Variants in AFF4 observed in about 807,000 individuals in gnomAD.
AFF4 encodes AF4/FMR2 family member 4.
In AFF4, 13 loss-of-function variants were observed where a neutral mutation model predicts 124.8. That is an observed-to-expected ratio of 0.10 (90% confidence interval 0.07 to 0.17). The LOEUF (loss-of-function observed/expected upper bound fraction) is 0.17. Among genes scored for constraint, AFF4 ranks in the 10% least tolerant of loss-of-function variants. The pLI, the probability that AFF4 is intolerant of heterozygous loss-of-function variation, is 1.00. For missense variants in AFF4, 1,092 were observed against 1,403.8 expected (o/e 0.78, Z 3.55); for synonymous variants, 477 against 496.1 (o/e 0.96, Z 0.51).
intron 5 of AFF4, among the ~76,000 whole-genome samples, chr5:132,906,868 G>A (rs1581289650): frequency 1.3e-5 from 2 of 152,166 alleles, no homozygotes; most frequent in African/African-American, 4.8e-5. Context: ...GGGAGGCTAA[G>A]CAATGAGGAT....
Position 132,883,383 on chromosome 5 carries a change from G to A in AFF4, c.3321C>T (p.Thr1107=), listed in dbSNP as rs745754457. ...GCTGTTCAGCTTGGTCCCAAATTTC[G>A]GTGGCATAGAGGAAGTTGGATGTGA... The part of the protein sequence containing the change: ...VQVTSNFLYA[T]EIWDQAEQLS... The change falls in exon 20 of 21, where the codon ACC becomes ACT. Residue 1107 remains threonine, a synonymous_variant. Transcript: ENST00000265343. 56 of 1,613,912 alleles carry A rather than the reference G, an allele frequency of 3.5e-5. No homozygotes were observed. The East Asian group carries it at 6.7e-4, about 19-fold the overall frequency.
Position 132,896,554 on chromosome 5 carries a change from C to T in AFF4, c.2076G>A (p.Met692Ile), listed in dbSNP as rs753189803. ...GTTCCTTCTCTTCCATAGGAGAGAA[C>T]ATTCGTTGCCGAAAAAAGCTATCTT... ...EEEDSFFRQR[M>I]FSPMEEKELL... Residue 692 changes from methionine (M) to isoleucine (I), a missense_variant, in exon 11 of 21, where the codon ATG (methionine) becomes ATA (isoleucine). Physicochemically the swap from Met to Ile is conservative, Grantham distance 10. This residue lies in a region of AFF4 where 293 missense variants were observed against 280.2 expected (regional missense o/e 1.05). Coordinates refer to ENST00000265343, the MANE Select transcript of AFF4 (RefSeq NM_014423.4). 9 of 1,614,106 alleles carry T rather than the reference C, an allele frequency of 5.6e-6. No individual in the cohort carries two copies. Among genetic ancestry groups the T allele is most frequent in the Admixed American group, 1.7e-5 (1 of 60,022 alleles).
intron 6 of AFF4, chr5:132,903,784 G>C (rs556391156): frequency 5.9e-5 from 9 of 152,316 alleles, no homozygotes; most frequent in African/African-American, 1.9e-4. Flanking sequence ...CATGAAGTAA[G>C]TTAAAAGAAA....
intron 5 of AFF4, among the ~76,000 whole-genome samples, chr5:132,907,186 A>T (rs1342556067): frequency 6.6e-6 from 1 of 152,056 alleles, no homozygotes; most frequent in African/African-American, 2.4e-5. Context: ...GTTTACCTAC[A>T]ATGGCCTTCT....
chr5:132,888,637 T>G (rs1007735763), intron 14 of AFF4, among the ~76,000 whole-genome samples: 2 of 152,160 alleles, frequency 1.3e-5, no homozygotes, highest in Non-Finnish European at 2.9e-5. Context: ...TGGGTACTTT[T>G]CAAATTGAAA....
At chr5:132,898,184 GA>G in intron 10 of AFF4, 45 bp downstream of exon 10, 1 of 1,603,676 alleles carries the variant, frequency 6.2e-7, no homozygotes, top group Non-Finnish European at 8.5e-7. Context: ...CATCACCAAG[GA>G]CCCTGAGAGG....
chr5:132,898,175 A>C (rs564845024), intron 10 of AFF4, 55 bp downstream of exon 10: 1 of 1,586,134 alleles, frequency 6.3e-7, no homozygotes, highest in African/African-American at 1.4e-5. Context: ...TTAAATGGAC[A>C]TCACCAAGGA....
intron 10 of AFF4, 71 bp from the exon 11 acceptor site, chr5:132,897,311 C>G: frequency 6.6e-7 from 1 of 1,508,850 alleles, no homozygotes; most frequent in East Asian, 2.3e-5. Context: ...CCTTTACAAC[C>G]TCAAAGAAGA....
chr5:132,940,535 A>G (rs1761544123), intron 1 of AFF4, among the ~76,000 whole-genome samples: 1 of 152,182 alleles, frequency 6.6e-6, no homozygotes, highest in African/African-American at 2.4e-5. Flanking sequence ...AAAATAAAGT[A>G]TGATTTTATT....
chr5:132,899,467 T>A lies in AFF4; in HGVS notation c.1188+120A>T. On this transcript the variant is annotated intron_variant, in intron 8 of 20. Transcript: ENST00000265343. The stretch of plus-strand genomic sequence containing the variant: ...AGAGAAGAAAACTACAACATTTCAG[T>A]GTCAGAAAGCTTATAAGAAACTTAT... The A allele has an allele frequency of 6.6e-6, 6 of 904,130 alleles. No individual in the cohort carries two copies. In the South Asian group the frequency reaches 1.4e-4, roughly 21 times the overall value. The allele number at this position is 904,130 out of a possible 1,614,324, so 56.0% of individuals were successfully genotyped here.
Position 132,899,094 on chromosome 5 carries a change from G to A in AFF4, c.1226+10C>T, listed in dbSNP as rs753823280. The stretch of plus-strand genomic sequence containing the variant: ...CTTACCAATAAAACAGAAAAGAAAA[G>A]GATGCCCACCTTCCTGGTGTACTCC... On this transcript the variant is annotated intron_variant, in intron 9 of 20. Transcript: ENST00000265343. The A allele has an allele frequency of 6.8e-6, 11 of 1,612,136 alleles. No individual in the cohort carries two copies. The Admixed American group carries it at 1.0e-4, about 15-fold the overall frequency.
rs1180577709 is a variant in AFF4, at chr5:132,957,019, C to CAAAAAA, written c.-5+6234_-5+6239dup. On this transcript the variant is annotated intron_variant, in intron 1 of 20. Transcript: ENST00000265343. ...TGGGTGACAGTGTGAGACTTCGTCT[C>CAAAAAA]AAAAAAAAAAAAAAAAAAAAAAAAA... Among the ~76,000 whole-genome samples the CAAAAAA allele has an allele frequency of 9.8e-4, 40 of 40,800 alleles. 3 individuals carry two copies. Among genetic ancestry groups the CAAAAAA allele is most frequent in the African/African-American group, 1.8e-3 (22 of 12,482 alleles). The allele number at this position is 40,800 out of a possible 152,430, so 26.8% of individuals were successfully genotyped here. A position where few individuals can be genotyped will look rare whatever the true frequency, so the allele number is the denominator to read the frequency against.
rs1461200291 is a variant in AFF4 at position 132,949,909 on chromosome 5, C to T, written c.-4-12716G>A. ...AAAGGTGGTGCATGCCTGTAGTCCTCGCTACTTGGAGACTGAGGCAGAAGG... is the reference window on the plus strand; with the variant it reads ...AAAGGTGGTGCATGCCTGTAGTCCTTGCTACTTGGAGACTGAGGCAGAAGG... On this transcript the variant is annotated intron_variant, in intron 1 of 20. Coordinates refer to ENST00000265343, the MANE Select transcript of AFF4 (RefSeq NM_014423.4). 4.0e-5 allele frequency among the ~76,000 whole-genome samples: 6 copies of T among 151,306 alleles called. No individual in the cohort carries two copies. In the South Asian group the frequency reaches 6.3e-4, roughly 16 times the overall value.
intron 5 of AFF4, among the ~76,000 whole-genome samples, chr5:132,919,054 A>G (rs1760981136): frequency 6.6e-6 from 1 of 151,826 alleles, no homozygotes; most frequent in Non-Finnish European, 1.5e-5. Flanking sequence ...TGCCCAACTA[A>G]TTTTTGTGTT....
chr5:132,944,758 C>T (rs994185726), intron 1 of AFF4, among the ~76,000 whole-genome samples: 1 of 151,610 alleles, frequency 6.6e-6, no homozygotes, highest in African/African-American at 2.4e-5. Context: ...AGTGAAACCC[C>T]ATCTCTACTA....
In AFF4 at chr5:132,937,260, T is replaced by G. The variant is rs1348148615; in HGVS notation, c.-4-67A>C. On this transcript the variant is annotated intron_variant, in intron 1 of 20. Transcript: ENST00000265343. ...GAAAAATTAAATATTCTGTACAGAT[T>G]TTGTCAGCTTAACACTTCAATCACA... 1.3e-5 allele frequency: 19 copies of G among 1,479,192 alleles called. No individual in the cohort carries two copies. The East Asian group carries it at 4.0e-4, about 31-fold the overall frequency. The allele number at this position is 1,479,192 out of a possible 1,614,324, so 91.6% of individuals were successfully genotyped here.
intron 6 of AFF4, among the ~76,000 whole-genome samples, chr5:132,902,830 A>G (rs1322643609): frequency 6.6e-6 from 1 of 152,214 alleles, no homozygotes; most frequent in Admixed American, 6.5e-5. Flanking sequence ...ACGAACACAC[A>G]AGCACACACT....
At chr5:132,947,632 C>G (rs1488548963) in intron 1 of AFF4, among the ~76,000 whole-genome samples, 1 of 152,064 alleles carries the variant, frequency 6.6e-6, no homozygotes, top group Non-Finnish European at 1.5e-5. Flanking sequence ...ATTTTCAAAC[C>G]CAGTATATTA....
At chr5:132,904,328 A>G (rs1375172128) in intron 6 of AFF4, 40 bp downstream of exon 6, 1 of 1,580,304 alleles carries the variant, frequency 6.3e-7, no homozygotes, top group Non-Finnish European at 8.7e-7. Flanking sequence ...TGTTCAATAA[A>G]TAGCTTAATT....
Sources: allele counts gnomAD v4.1 joint callset (sites outside exome capture counted in the v4.1 genomes callset), GRCh38; gene constraint gnomAD v4.1.1; regional missense constraint gnomAD v4.1.1; transcripts MANE v1.5; gene names NCBI Gene and HGNC (gene_info 2026-07-23, HGNC 2026-07-21).